Variants in TIAM1 observed in about 807,000 individuals in gnomAD.
TIAM1 encodes the protein rho guanine nucleotide exchange factor TIAM1.
Under a neutral mutation model 163.5 loss-of-function variants are expected in TIAM1, and 65 were observed. The ratio of observed to expected loss-of-function variants is 0.40; its 90% CI spans 0.33 to 0.49. The LOEUF (loss-of-function observed/expected upper bound fraction) is 0.49. Among genes scored for constraint, TIAM1 ranks in the 20% least tolerant of loss-of-function variants. TIAM1 has a pLI of 0.77. For missense variants in TIAM1, 1,789 were observed against 2,044.7 expected (o/e 0.87, Z 2.41); for synonymous variants, 833 against 810.1 (o/e 1.03, Z -0.48).
At chr21:31,126,199 A>G (rs2082189777) in intron 26 of TIAM1, among the ~76,000 whole-genome samples, 1 of 152,138 alleles carries the variant, frequency 6.6e-6, no homozygotes, top group South Asian at 2.1e-4. Context: ...TGTCTTTTGT[A>G]GGTAATCCAT....
At chr21:31,258,296 A>T (rs1477587455) in intron 4 of TIAM1, among the ~76,000 whole-genome samples, 1 of 152,130 alleles carries the variant, frequency 6.6e-6, no homozygotes, top group African/African-American at 2.4e-5. Flanking sequence ...CTCATTTTCC[A>T]CCACAATCTC....
At chr21:31,249,484 G>GT (rs1352928447) in intron 5 of TIAM1, among the ~76,000 whole-genome samples, 1 of 152,180 alleles carries the variant, frequency 6.6e-6, no homozygotes, top group Non-Finnish European at 1.5e-5. Flanking sequence ...CAGGTGTGGG[G>GT]TACAACCCAG....
At chr21:31,488,796 T>C (rs2046358999) in intron 1 of TIAM1, among the ~76,000 whole-genome samples, 1 of 151,786 alleles carries the variant, frequency 6.6e-6, no homozygotes, top group South Asian at 2.1e-4. Context: ...GAGATTTGGG[T>C]GGGGACACAA....
At chr21:31,526,055 T>A (rs1283542783) in intron 1 of TIAM1, among the ~76,000 whole-genome samples, 10 of 148,652 alleles carry the variant, frequency 6.7e-5, no homozygotes, top group Admixed American at 1.3e-4. Flanking sequence ...AAAAAAAAAA[T>A]TATCTCATCC....
At chr21:31,549,862 G>A (rs1255931456) in intron 1 of TIAM1, among the ~76,000 whole-genome samples, 3 of 152,194 alleles carry the variant, frequency 2.0e-5, no homozygotes, top group Non-Finnish European at 2.9e-5. Flanking sequence ...GGTGGCTCAC[G>A]CCTGTAATCT....
At chr21:31,178,303 CTTTTTTTTTTTT>C (rs10671534) in intron 15 of TIAM1, among the ~76,000 whole-genome samples, 1 of 96,096 alleles carries the variant, frequency 1.0e-5, no homozygotes, top group Non-Finnish European at 1.9e-5. Flanking sequence ...TTCAGGAATT[CTTTTTTTTTTTT>C]TTTTTTTTTT....
chr21:31,290,008 T>A (rs2146910102), intron 2 of TIAM1, among the ~76,000 whole-genome samples: 1 of 152,236 alleles, frequency 6.6e-6, no homozygotes, highest in South Asian at 2.1e-4. Flanking sequence ...GGCATCACCA[T>A]TCAAAAAAAT....
intron 1 of TIAM1, among the ~76,000 whole-genome samples, chr21:31,528,234 G>T: frequency 6.6e-6 from 1 of 152,138 alleles, no homozygotes; most frequent in East Asian, 1.9e-4. Context: ...ACTTCCCAAA[G>T]CCAGGCACAG....
intron 2 of TIAM1, among the ~76,000 whole-genome samples, chr21:31,329,287 C>T (rs151049337): frequency 7.9e-5 from 12 of 152,312 alleles, no homozygotes; most frequent in South Asian, 4.1e-4. Context: ...AGCACGTGAA[C>T]GCAGTGAACA....
intron 14 of TIAM1, among the ~76,000 whole-genome samples, chr21:31,184,908 C>T (rs1191546707): frequency 4.6e-5 from 7 of 152,152 alleles, no homozygotes; most frequent in East Asian, 1.9e-4. Context: ...TAGCCAAGTC[C>T]GCGGTTGTGC....
At chr21:31,160,415 A>C (rs922315712) in intron 16 of TIAM1, 5 of 398,538 alleles carry the variant, frequency 1.3e-5, no homozygotes, top group African/African-American at 8.2e-5. Flanking sequence ...AAACCTAGCA[A>C]GATAGGATTC....
At chr21:31,512,863 C>T (rs1304976604) in intron 1 of TIAM1, among the ~76,000 whole-genome samples, 2 of 152,124 alleles carry the variant, frequency 1.3e-5, no homozygotes, top group East Asian at 3.9e-4. Flanking sequence ...AGACTGGTCT[C>T]AGACTCCTGA....
At chr21:31,423,752 G>A (rs1396806141) in intron 2 of TIAM1, among the ~76,000 whole-genome samples, 1 of 127,678 alleles carries the variant, frequency 7.8e-6, no homozygotes, top group African/African-American at 2.9e-5. Context: ...TATGCTACGT[G>A]AAAGAAGCCA....
chr21:31,205,075 C>T (rs1411641011), intron 11 of TIAM1, among the ~76,000 whole-genome samples: 1 of 152,194 alleles, frequency 6.6e-6, no homozygotes, highest in Non-Finnish European at 1.5e-5. Context: ...GAACATAAAA[C>T]AGGAACTTTT....
chr21:31,490,440 CATA>C (rs71920325), intron 1 of TIAM1, among the ~76,000 whole-genome samples: 34,012 of 151,712 alleles, frequency 0.22, 3,962 homozygotes, highest in African/African-American at 0.26. Flanking sequence ...CTAGCCTTTA[CATA>C]ATAATAATAA....
chr21:31,525,936 A>C (rs1182948647), intron 1 of TIAM1, among the ~76,000 whole-genome samples: 2 of 150,490 alleles, frequency 1.3e-5, no homozygotes, highest in African/African-American at 2.5e-5. Flanking sequence ...CGAGAGGCTG[A>C]GGCAGGAGAA....
chr21:31,434,828 T>A (rs2044157093), intron 2 of TIAM1, among the ~76,000 whole-genome samples: 1 of 152,200 alleles, frequency 6.6e-6, no homozygotes, highest in South Asian at 2.1e-4. Flanking sequence ...AGCTTGGCCG[T>A]CCCAGTTCTC....
intron 2 of TIAM1, among the ~76,000 whole-genome samples, chr21:31,301,216 G>C (rs1470967927): frequency 4.6e-5 from 7 of 152,222 alleles, no homozygotes; most frequent in African/African-American, 1.7e-4. Flanking sequence ...CTCCTGGAAG[G>C]ATCCAGACCA....
At chr21:31,123,500 A>G (rs2082075402) in intron 27 of TIAM1, among the ~76,000 whole-genome samples, 1 of 152,136 alleles carries the variant, frequency 6.6e-6, no homozygotes, top group Admixed American at 6.5e-5. Context: ...AATTGATTGG[A>G]GAAGAGGTTT....
Sources: gnomAD v4.1 joint callset for allele counts (sites outside exome capture counted in the v4.1 genomes callset) on GRCh38, gnomAD v4.1.1 for gene constraint, MANE v1.5 for transcripts, NCBI Gene and HGNC (gene_info 2026-07-23, HGNC 2026-07-21) for gene names.